Variants in BRD4 observed in about 807,000 individuals in gnomAD.
BRD4 encodes bromodomain containing 4.
BRD4 carries 16 observed loss-of-function variants against 142.1 expected under a neutral mutation model. The ratio of observed to expected loss-of-function variants is 0.11; its 90% CI spans 0.08 to 0.17. BRD4 has a LOEUF of 0.17. Ranked by LOEUF, BRD4 falls within the 10% of genes least tolerant of loss-of-function variation. The pLI is 1.00. For missense variants in BRD4, 1,424 were observed against 1,810.9 expected, an observed-to-expected ratio of 0.79 and a Z score of 3.88; for synonymous variants, 833 against 707.5, an observed-to-expected ratio of 1.18 and a Z score of -2.82.
chr19:15,275,060 T>A (rs934592012), intron 1 of BRD4, among the ~76,000 whole-genome samples: 23 of 152,024 alleles, frequency 1.5e-4, no homozygotes, highest in Admixed American at 6.6e-4. Flanking sequence ...GGTTTCACCA[T>A]GTTGGCCAGG....
chr19:15,254,107 G>T, intron 11 of BRD4, 45 bp downstream of exon 11: 1 of 1,529,214 alleles, frequency 6.5e-7, no homozygotes, highest in Non-Finnish European at 9.1e-7. Context: ...GCCAGGCACA[G>T]GTGGGAAGAG....
rs149674581 is a variant in BRD4, at chr19:15,306,814, T to C, written c.-35+25476A>G. 2.2e-4 allele frequency among the ~76,000 whole-genome samples: 34 copies of C among 152,202 alleles called. No homozygotes were observed. In the East Asian group the frequency reaches 5.0e-3, roughly 23 times the overall value. Reference sequence around the variant, plus strand: ...CATGGTTTGTGGTTCCCCAAAACTATGATAATGACACCCAAAATCACTGAT... The same window carrying C: ...CATGGTTTGTGGTTCCCCAAAACTACGATAATGACACCCAAAATCACTGAT... On this transcript the variant is annotated intron_variant, in intron 1 of 19. Coordinates refer to ENST00000679869, the MANE Select transcript of BRD4 (RefSeq NM_001379291.1).
intron 11 of BRD4, chr19:15,246,381 CA>C (rs1328371838): frequency 6.6e-6 from 1 of 152,260 alleles, no homozygotes; most frequent in African/African-American, 2.4e-5. Flanking sequence ...TCTCTCCTGG[CA>C]CAAGGAGGTG....
intron 11 of BRD4, among the ~76,000 whole-genome samples, chr19:15,250,529 T>G (rs927276929): frequency 3.9e-5 from 6 of 152,226 alleles, no homozygotes; most frequent in African/African-American, 1.2e-4. Context: ...AACACCCACA[T>G]GCTCCAATCC....
chr19:15,319,911 G>A (rs1324254845), intron 1 of BRD4, among the ~76,000 whole-genome samples: 1 of 152,122 alleles, frequency 6.6e-6, no homozygotes, highest in Non-Finnish European at 1.5e-5. Context: ...ACTACGGCCT[G>A]GGCAACACAG....
intron 1 of BRD4, among the ~76,000 whole-genome samples, chr19:15,307,479 T>C (rs1312256319): frequency 6.6e-6 from 1 of 152,210 alleles, no homozygotes; most frequent in Non-Finnish European, 1.5e-5. Flanking sequence ...GTGGTACTCA[T>C]CTGTGCACCT....
At chr19:15,253,517 G>A (rs750554347) in intron 11 of BRD4, 3 of 1,491,966 alleles carry the variant, frequency 2.0e-6, no homozygotes, top group African/African-American at 2.8e-5. Flanking sequence ...AACTGCAGGA[G>A]GGACACGCAA....
chr19:15,316,342 T>C (rs1469719477), intron 1 of BRD4, among the ~76,000 whole-genome samples: 1 of 151,824 alleles, frequency 6.6e-6, no homozygotes, highest in Non-Finnish European at 1.5e-5. Context: ...AAAGGATAAA[T>C]GGAAGTGAAG....
Position 15,244,737 on chromosome 19 carries a change from C to T in BRD4, c.2184G>A (p.Lys728=). 1 of 1,614,156 alleles carries T rather than the reference C, an allele frequency of 6.2e-7. No individual in the cohort carries two copies. The highest frequency in any genetic ancestry group is 1.1e-5 in the South Asian group (1 of 91,088). The change falls in exon 12 of 20, where the codon AAG becomes AAA. Residue 728 remains lysine (K), a synonymous_variant. Transcript: ENST00000679869. ...ETEMAPKSKK[K]GHPGREQKKH... ...TCTTCTGCTCCCTCCCGGGGTGCCC[C>T]TTCTTTTTTGACTTCGGAGCCATCT...
At chr19:15,250,006 T>C (rs2047327537) in intron 11 of BRD4, among the ~76,000 whole-genome samples, 1 of 152,050 alleles carries the variant, frequency 6.6e-6, no homozygotes, top group African/African-American at 2.4e-5. Flanking sequence ...CCAACATGGC[T>C]CCCTGGACCA....
At chr19:15,331,288 C>A (rs893257827) in intron 1 of BRD4, among the ~76,000 whole-genome samples, 4 of 152,188 alleles carry the variant, frequency 2.6e-5, no homozygotes, top group Non-Finnish European at 5.9e-5. Context: ...TTCCCATCTT[C>A]AAGCAAACCC....
intron 1 of BRD4, among the ~76,000 whole-genome samples, chr19:15,288,800 G>C (rs1169325208): frequency 1.3e-5 from 2 of 152,156 alleles, no homozygotes; most frequent in Non-Finnish European, 2.9e-5. Flanking sequence ...TCTGTGAATG[G>C]CATGAATGAG....
At chr19:15,274,793 T>C (rs1343990610) in intron 1 of BRD4, among the ~76,000 whole-genome samples, 4 of 152,010 alleles carry the variant, frequency 2.6e-5, no homozygotes, top group Non-Finnish European at 5.9e-5. Context: ...TCATGTGTGC[T>C]CTAGGCCAGT....
At chr19:15,256,003 A>G in intron 9 of BRD4, 61 bp downstream of exon 9, 1 of 1,590,632 alleles carries the variant, frequency 6.3e-7, no homozygotes, top group Non-Finnish European at 8.5e-7. Flanking sequence ...TGGCCCACAC[A>G]GTCTCAGAGC....
At chr19:15,326,151 A>AT (rs1379931652) in intron 1 of BRD4, among the ~76,000 whole-genome samples, 3 of 143,592 alleles carry the variant, frequency 2.1e-5, no homozygotes, top group Admixed American at 6.9e-5. Flanking sequence ...ACAATGTAGC[A>AT]TTAAAAAAAA....
At chr19:15,255,933 C>T (rs1318081591) in intron 9 of BRD4, 131 bp downstream of exon 9, 1 of 1,248,604 alleles carries the variant, frequency 8.0e-7, no homozygotes, top group Non-Finnish European at 1.1e-6. Context: ...CCAGCCTGGC[C>T]TGTGAAGCCA....
intron 1 of BRD4, among the ~76,000 whole-genome samples, chr19:15,287,657 G>A (rs2047750332): frequency 6.6e-6 from 1 of 152,190 alleles, no homozygotes; most frequent in African/African-American, 2.4e-5. Context: ...CTCTGTGGAA[G>A]TGACTCCTAT....
intron 1 of BRD4, among the ~76,000 whole-genome samples, chr19:15,308,585 TAAA>T (rs894226842): frequency 1.7e-5 from 2 of 119,378 alleles, no homozygotes; most frequent in Admixed American, 8.6e-5. Context: ...AGAGTCTACC[TAAA>T]AAAAAAAAAA....
intron 2 of BRD4, 87 bp downstream of exon 2, chr19:15,272,728 C>T: frequency 1.5e-6 from 2 of 1,311,958 alleles, no homozygotes; most frequent in Non-Finnish European, 2.1e-6. Flanking sequence ...GCATCTCCTA[C>T]CCTCCCCCCA....
Sources: allele counts gnomAD v4.1 joint callset (sites outside exome capture counted in the v4.1 genomes callset), GRCh38; gene constraint gnomAD v4.1.1; transcripts MANE v1.5; gene names NCBI Gene and HGNC (gene_info 2026-07-23, HGNC 2026-07-21).